The following TRIM25 variants were observed in gnomAD, a reference collection of about 807,000 sequenced individuals.
TRIM25 encodes the protein E3 ubiquitin/ISG15 ligase TRIM25.
A neutral mutation model predicts 65.2 loss-of-function variants in TRIM25; 45 were observed. That is an observed-to-expected ratio of 0.69 (90% CI 0.54 to 0.89). TRIM25 has a LOEUF of 0.89. Ranked by LOEUF, TRIM25 falls within the 40% of genes least tolerant of loss-of-function variation. The probability of loss-of-function intolerance (pLI) is 0.00; values close to 1 mark genes in which losing one functional copy is unlikely to be tolerated. For missense variants in TRIM25, 714 were observed against 803.7 expected (o/e 0.89, Z 1.35); for synonymous variants, 321 against 340.4 (o/e 0.94, Z 0.63).
At chr17:56,899,270 GT>G in intron 4 of TRIM25, 90 bp from the exon 5 acceptor site, 1 of 1,328,424 alleles carries the variant, frequency 7.5e-7, no homozygotes, top group Non-Finnish European at 1.1e-6. Flanking sequence ...CAGGCAGAGG[GT>G]TTACACAGAC....
chr17:56,893,173 G>C (rs1051198695), intron 8 of TRIM25, among the ~76,000 whole-genome samples: 12 of 152,196 alleles, frequency 7.9e-5, no homozygotes, highest in African/African-American at 2.9e-4. Flanking sequence ...AGAAAGGGAA[G>C]GGCTTAGGAG....
rs1187561904 is a variant in TRIM25, at chr17:56,901,425, T to TGG, written c.1079_1080dup (p.Ser361ProfsTer21). The TGG allele has an allele frequency of 6.2e-7, 1 of 1,613,788 alleles. No individual in the cohort carries two copies. The highest frequency in any genetic ancestry group is 1.3e-5 in the African/African-American group (1 of 75,030). On this transcript the variant is annotated frameshift_variant, in exon 4 of 9. Coordinates refer to ENST00000316881, the MANE Select transcript of TRIM25 (RefSeq NM_005082.5). LOFTEE classifies it high-confidence loss of function. ...AGGGGGCTGCTAAGGTCACCTGAAC[T>TGG]GGGGGTGGGCTCCTGGAGCCGCCCG... is the stretch of plus-strand genomic sequence containing the variant.
At chr17:56,897,519 T>C (rs1467511153) in intron 5 of TRIM25, among the ~76,000 whole-genome samples, 1 of 152,108 alleles carries the variant, frequency 6.6e-6, no homozygotes, top group African/African-American at 2.4e-5. Flanking sequence ...ACCAGCATCT[T>C]GGGAGGCCCA....
At chr17:56,899,087 C>T (rs1406319758) in intron 5 of TRIM25, 28 bp downstream of exon 5, 2 of 1,612,706 alleles carry the variant, frequency 1.2e-6, no homozygotes, top group Non-Finnish European at 1.7e-6. Context: ...CATGCTGTTG[C>T]CATGGAGACA....
At chr17:56,900,182 C>T (rs558867884) in intron 4 of TRIM25, among the ~76,000 whole-genome samples, 7 of 151,974 alleles carry the variant, frequency 4.6e-5, no homozygotes, top group Admixed American at 4.6e-4. Flanking sequence ...CCATTGCACT[C>T]CAGCCTGGGT....
At chr17:56,902,496 C>T (rs544809845) in intron 3 of TRIM25, among the ~76,000 whole-genome samples, 12 of 152,294 alleles carry the variant, frequency 7.9e-5, no homozygotes, top group Admixed American at 5.2e-4. Flanking sequence ...AACACCGATA[C>T]GGCATGGCAA....
chr17:56,894,857 G>A (rs1279502664), intron 8 of TRIM25, among the ~76,000 whole-genome samples: 32 of 152,228 alleles, frequency 2.1e-4, no homozygotes, highest in Non-Finnish European at 4.4e-5. Flanking sequence ...AACAGAGCAG[G>A]GGGAGCCCCT....
rs1381183506 is a variant in TRIM25 at position 56,890,776 on chromosome 17, C to A, written c.*924G>T. 1 of 456,500 alleles carries A rather than the reference C, an allele frequency of 2.2e-6. No homozygotes were observed. Among genetic ancestry groups the A allele is most frequent in the Non-Finnish European group, 4.4e-6 (1 of 226,946 alleles). 28.3% of individuals were successfully genotyped at this position (456,500 alleles called of 1,614,324 possible). On this transcript the variant is annotated 3_prime_UTR_variant, in exon 9 of 9. Coordinates refer to ENST00000316881, the MANE Select transcript of TRIM25 (RefSeq NM_005082.5). ...AGTAAGAAGGCAGGACACTCTAACA[C>A]GAGCAAACCCACCAGGCTTCTGTTG...
intron 5 of TRIM25, chr17:56,898,866 T>A: frequency 2.0e-6 from 1 of 498,702 alleles, no homozygotes; most frequent in Admixed American, 3.4e-5. Context: ...TTGGGTATAG[T>A]AAATATTTCT....
chr17:56,895,935 T>G lies in TRIM25; in HGVS notation c.1171A>C (p.Lys391Gln). The G allele has an allele frequency of 1.2e-6, 2 of 1,613,000 alleles. No homozygotes were observed. Among genetic ancestry groups the G allele is most frequent in the Non-Finnish European group, 1.7e-6 (2 of 1,179,720 alleles). ...KKVSKEEKKS[K>Q]KPPPVPALPS... ...GAAATGCATAACTTACGAGGTTTCTTGGATTTCTTTTCCTCTTCTGCAAAA... is the reference window on the plus strand; with the variant it reads ...GAAATGCATAACTTACGAGGTTTCTGGGATTTCTTTTCCTCTTCTGCAAAA... The change falls in exon 6 of 9, where the codon AAG becomes CAG. Residue 391 changes from lysine (K) to glutamine (Q), a missense_variant. Coordinates refer to ENST00000316881, the MANE Select transcript of TRIM25 (RefSeq NM_005082.5).
chr17:56,907,288 G>A (rs997841646), intron 2 of TRIM25, among the ~76,000 whole-genome samples: 1 of 152,216 alleles, frequency 6.6e-6, no homozygotes, highest in Non-Finnish European at 1.5e-5. Context: ...GTGTATCTTT[G>A]TTACAGCAGT....
At chr17:56,911,270 A>G (rs1909622236) in intron 1 of TRIM25, among the ~76,000 whole-genome samples, 1 of 151,758 alleles carries the variant, frequency 6.6e-6, no homozygotes. Flanking sequence ...CCTGTCTCTA[A>G]AAGAAAAGAT....
intron 5 of TRIM25, chr17:56,898,900 C>CTTG: frequency 1.8e-6 from 1 of 561,110 alleles, no homozygotes; most frequent in South Asian, 2.1e-5. Context: ...CCTCAGGCAT[C>CTTG]TTGCTGTTCC....
chr17:56,899,212 G>A lies in TRIM25; in HGVS notation c.1088-32C>T, dbSNP rs201722343. 200 of 1,612,590 alleles carry A rather than the reference G, an allele frequency of 1.2e-4. 1 individual carries two copies. Among genetic ancestry groups the A allele is most frequent in the Non-Finnish European group, 1.2e-4 (137 of 1,178,668 alleles). ...CAGAGAAGAAGGGCTCAGTGTGTGCGGCTCCTCTCACTGACCCTAGCAGCC... is the reference window on the plus strand; with the variant it reads ...CAGAGAAGAAGGGCTCAGTGTGTGCAGCTCCTCTCACTGACCCTAGCAGCC... On this transcript the variant is annotated intron_variant, in intron 4 of 8. Transcript: ENST00000316881.
chr17:56,911,515 G>A (rs1009145354), intron 1 of TRIM25, among the ~76,000 whole-genome samples: 31 of 151,952 alleles, frequency 2.0e-4, no homozygotes, highest in African/African-American at 6.5e-4. Context: ...GGGAGGTGGA[G>A]GTTGCAGTGA....
At chr17:56,897,872 C>A (rs141375141) in intron 5 of TRIM25, among the ~76,000 whole-genome samples, 2 of 151,868 alleles carry the variant, frequency 1.3e-5, no homozygotes, top group Non-Finnish European at 2.9e-5. Context: ...CGAGGTTTTC[C>A]GGCCCAGCTA....
At position 56,895,850 on chromosome 17, in the gene TRIM25, G is replaced by A. The variant is rs138437197; in HGVS notation, c.1180+76C>T. 1,613 of 1,554,196 alleles carry A rather than the reference G, an allele frequency of 1.0e-3. 18 individuals are homozygous for A. The African/African-American group carries it at 0.02, about 19-fold the overall frequency. ...TCACAGAACCCTGATGAGAGAGGTC[G>A]ACTCTCACTACCAGCATTTAGTTCT... On this transcript the variant is annotated intron_variant, in intron 6 of 8. Transcript: ENST00000316881.
intron 3 of TRIM25, among the ~76,000 whole-genome samples, chr17:56,902,144 C>G (rs1035674730): frequency 1.3e-5 from 2 of 152,194 alleles, no homozygotes; most frequent in Non-Finnish European, 2.9e-5. Flanking sequence ...GGCAGCTGCT[C>G]CAACAGACAG....
chr17:56,904,780 G>A (rs1212079207), intron 2 of TRIM25, among the ~76,000 whole-genome samples: 1 of 152,216 alleles, frequency 6.6e-6, no homozygotes, highest in Non-Finnish European at 1.5e-5. Context: ...CAAAAACCTG[G>A]AATCAACCTG....
Sources: gnomAD v4.1 joint callset for allele counts (sites outside exome capture counted in the v4.1 genomes callset) on GRCh38, gnomAD v4.1.1 for gene constraint, MANE v1.5 for transcripts, NCBI Gene and HGNC (gene_info 2026-07-23, HGNC 2026-07-21) for gene names.